The following ZER1 variants were observed in gnomAD, a reference collection of about 807,000 sequenced individuals.
ZER1 encodes the protein zyg-11 related cell cycle regulator, also known as protein zer-1 homolog.
A neutral mutation model predicts 78.8 loss-of-function variants in ZER1; 11 were observed. The ratio of observed to expected loss-of-function variants is 0.14; its 90% CI spans 0.09 to 0.23. The LOEUF (loss-of-function observed/expected upper bound fraction) is 0.23. Among genes scored for constraint, ZER1 ranks in the 10% least tolerant of loss-of-function variants. The pLI is 1.00. For missense variants in ZER1, 588 were observed against 996.9 expected (o/e 0.59, Z 5.52); for synonymous variants, 400 against 407.0 (o/e 0.98, Z 0.21).
rs781260934 is a variant in ZER1 at position 128,753,916 on chromosome 9, C to T, written c.202G>A (p.Glu68Lys). ...VNAACNFEPH[E>K]SFFSLFSDPR... ...TCCGAAAAGAGGCTGAAGAAGCTCT[C>T]GTGTGGCTCGAAGTTACAGGCAGCG... The change falls in exon 3 of 16, where the codon GAG (glutamate) becomes AAG (lysine). Residue 68 changes from glutamate (E) to lysine (K), a missense_variant. By Grantham distance (56) the Glu-to-Lys change is moderately conservative. Around this residue, in one of 3 missense-constraint regions of ZER1, gnomAD observed 406 missense variants for 660.1 expected, o/e 0.62. Transcript: ENST00000291900. The surrounding 1 kb of genome is among the most constrained non-coding windows in gnomAD (Gnocchi z 7.5). 2.5e-6 allele frequency: 4 copies of T among 1,594,528 alleles called. No homozygotes were observed. Among genetic ancestry groups the T allele is most frequent in the South Asian group, 1.1e-5 (1 of 87,990 alleles).
At chr9:128,764,264 A>C (rs563650486) in intron 1 of ZER1, among the ~76,000 whole-genome samples, 1 of 152,302 alleles carries the variant, frequency 6.6e-6, no homozygotes, top group South Asian at 2.1e-4. Context: ...TCGCCATCAG[A>C]GGTCTGCACG....
Position 128,755,755 on chromosome 9 carries a change from A to C in ZER1, c.-94-96T>G. ...CTCTGAGTAGGGAAACTGAGACCAC[A>C]CTCCAATTAGCAGCTTAGCAGGGCC... On this transcript the variant is annotated intron_variant, in intron 1 of 15. Coordinates refer to ENST00000291900, the MANE Select transcript of ZER1 (RefSeq NM_006336.4). The surrounding 1 kb of genome is among the most constrained non-coding windows in gnomAD (Gnocchi z 5.6). The C allele has an allele frequency of 1.4e-6, 1 of 709,308 alleles. No individual in the cohort carries two copies. Among genetic ancestry groups the C allele is most frequent in the Non-Finnish European group, 2.2e-6 (1 of 447,952 alleles). The allele number at this position is 709,308 out of a possible 1,614,324, so 43.9% of individuals were successfully genotyped here.
In ZER1 at chr9:128,755,382, C is replaced by A; in HGVS notation, c.158+26G>T. ...TACACATTCATGGTAAGACCCCTGCCCCTCCTCAGCCCTGGGTCTGCTCAC... is the reference window on the plus strand; with the variant it reads ...TACACATTCATGGTAAGACCCCTGCACCTCCTCAGCCCTGGGTCTGCTCAC... On this transcript the variant is annotated intron_variant, in intron 2 of 15. Coordinates refer to ENST00000291900, the MANE Select transcript of ZER1 (RefSeq NM_006336.4). The surrounding 1 kb of genome is among the most constrained non-coding windows in gnomAD (Gnocchi z 5.6). 2 of 1,612,730 alleles carry A rather than the reference C, an allele frequency of 1.2e-6. No individual in the cohort carries two copies. Among genetic ancestry groups the A allele is most frequent in the Non-Finnish European group, 1.7e-6 (2 of 1,178,860 alleles).
Position 128,753,609 on chromosome 9 carries a change from G to A in ZER1, c.310-9C>T, listed in dbSNP as rs1403217570. 6.2e-7 allele frequency: 1 copy of A among 1,611,440 alleles called. No individual in the cohort carries two copies. The highest frequency in any genetic ancestry group is 1.3e-5 in the African/African-American group (1 of 75,010). ...TACAGCTCCACCAGGTCCTGGGAGTGGGCACAGCTCCATCATCATCACCAC... is the reference window on the plus strand; with the variant it reads ...TACAGCTCCACCAGGTCCTGGGAGTAGGCACAGCTCCATCATCATCACCAC... On this transcript the variant is annotated splice_polypyrimidine_tract_variant and intron_variant, in intron 3 of 15. Coordinates refer to ENST00000291900, the MANE Select transcript of ZER1 (RefSeq NM_006336.4). The surrounding 1 kb of genome is among the most constrained non-coding windows in gnomAD (Gnocchi z 7.5).
Position 128,750,778 on chromosome 9 carries a change from C to A in ZER1, c.1197G>T (p.Thr399=). Residue 399 remains threonine, a synonymous_variant, in exon 8 of 16, where the codon ACG becomes ACT. Transcript: ENST00000291900. The part of the protein sequence containing the change: ...QLLRALKLVI[T]ALKCHKYDRN... ...TGTCATATTTGTGGCACTTGAGGGCCGTGATGACCAGCTGTATGAAGACAA... is the reference window on the plus strand; with the variant it reads ...TGTCATATTTGTGGCACTTGAGGGCAGTGATGACCAGCTGTATGAAGACAA... The A allele has an allele frequency of 6.2e-7, 1 of 1,614,160 alleles. No homozygotes were observed. The highest frequency in any genetic ancestry group is 1.1e-5 in the South Asian group (1 of 91,066).
At position 128,753,278 on chromosome 9, in the gene ZER1, G is replaced by T; in HGVS notation, c.632C>A (p.Thr211Lys). 1 of 1,608,236 alleles carries T rather than the reference G, an allele frequency of 6.2e-7. No individual in the cohort carries two copies. The highest frequency in any genetic ancestry group is 8.5e-7 in the Non-Finnish European group (1 of 1,177,316). ...LAALDLSGIQ[T>K]SDAAFLTQWK... ...CTGGGTGAGGAAGGCGGCGTCGCTC[G>T]TCTGAATGCCTGAGAGGTCCAAGGC... The change falls in exon 4 of 16, where the codon ACG (threonine) becomes AAG (lysine). Residue 211 changes from threonine (T) to lysine (K), a missense_variant. Thr to Lys is a moderately conservative substitution (Grantham distance 78). This residue lies in a region of ZER1 where 406 missense variants were observed against 660.1 expected (regional missense o/e 0.62). Coordinates refer to ENST00000291900, the MANE Select transcript of ZER1 (RefSeq NM_006336.4). This position sits in a 1 kb window ranked among gnomAD's most constrained non-coding sequence, Gnocchi z 7.5.
Position 128,753,847 on chromosome 9 carries a change from G to C in ZER1, c.271C>G (p.Leu91Val). The part of the protein sequence containing the change: ...RLTRIHLRED[L>V]VQDQDLEAIR... ...GCCTCCAGGTCCTGGTCCTGCACCA[G>C]GTCCTCACGGAGGTGGATCCGCGTG... The change falls in exon 3 of 16, where the codon CTG (leucine) becomes GTG (valine). Residue 91 changes from leucine to valine, a missense_variant. By Grantham distance (32) the Leu-to-Val change is conservative. Around this residue, in one of 3 missense-constraint regions of ZER1, gnomAD observed 406 missense variants for 660.1 expected, o/e 0.62. Transcript: ENST00000291900. The surrounding 1 kb of genome is among the most constrained non-coding windows in gnomAD (Gnocchi z 7.5). 6.2e-7 allele frequency: 1 copy of C among 1,602,762 alleles called. No individual in the cohort carries two copies. Among genetic ancestry groups the C allele is most frequent in the Non-Finnish European group, 8.5e-7 (1 of 1,175,402 alleles).
chr9:128,740,285 A>C lies in ZER1; in HGVS notation c.1854-166T>G, dbSNP rs536949701. On this transcript the variant is annotated intron_variant, in intron 12 of 15. Coordinates refer to ENST00000291900, the MANE Select transcript of ZER1 (RefSeq NM_006336.4). The surrounding 1 kb of genome is among the most constrained non-coding windows in gnomAD (Gnocchi z 4.4). The stretch of plus-strand genomic sequence containing the variant: ...TTCTAAAGGGATTTGAGGTCATTTA[A>C]GATATAATTACAGGCTGGGCGCAGT... 3.3e-5 allele frequency among the ~76,000 whole-genome samples: 5 copies of C among 152,216 alleles called. No individual in the cohort carries two copies. Among genetic ancestry groups the C allele is most frequent in the East Asian group, 1.9e-4 (1 of 5,202 alleles).
intron 1 of ZER1, among the ~76,000 whole-genome samples, chr9:128,766,126 G>A (rs1005101451): frequency 1.4e-4 from 22 of 152,166 alleles, no homozygotes; most frequent in African/African-American, 4.8e-4. Context: ...CAAGGCGGGC[G>A]GATCACGAGG....
At chr9:128,746,987 G>A (rs191876716) in intron 8 of ZER1, among the ~76,000 whole-genome samples, 2 of 151,888 alleles carry the variant, frequency 1.3e-5, no homozygotes, top group East Asian at 3.9e-4. Flanking sequence ...CTTGAGGCTA[G>A]GAGGAGTTCC....
intron 1 of ZER1, among the ~76,000 whole-genome samples, chr9:128,759,559 G>A (rs1863975972): frequency 6.6e-6 from 1 of 151,990 alleles, no homozygotes; most frequent in South Asian, 2.1e-4. Flanking sequence ...ACTTTGGGAG[G>A]CCAAGGCAGG....
intron 14 of ZER1, among the ~76,000 whole-genome samples, chr9:128,734,847 T>G (rs1399183668): frequency 3.9e-5 from 4 of 102,222 alleles, no homozygotes; most frequent in Non-Finnish European, 6.2e-5. Flanking sequence ...ATGGTATGTG[T>G]TTTTTTTTTT....
intron 14 of ZER1, among the ~76,000 whole-genome samples, chr9:128,734,142 A>T (rs866421586): frequency 0.022 from 430 of 19,616 alleles, 107 homozygotes; most frequent in South Asian, 0.097. Context: ...AAAAAAAAAA[A>T]AAATATATAT....
chr9:128,770,364 A>C (rs1864345098), intron 1 of ZER1, among the ~76,000 whole-genome samples: 1 of 152,060 alleles, frequency 6.6e-6, no homozygotes, highest in Non-Finnish European at 1.5e-5. Context: ...TCCTGACCTC[A>C]GGTGATCCGG....
intron 8 of ZER1, among the ~76,000 whole-genome samples, chr9:128,745,199 GTTT>G (rs570009551): frequency 3.9e-5 from 5 of 128,486 alleles, no homozygotes; most frequent in East Asian, 2.1e-4. Context: ...ATTTGTTTGG[GTTT>G]TTTTTTTTTT....
chr9:128,741,143 T>G (rs1863277059), intron 11 of ZER1, among the ~76,000 whole-genome samples: 1 of 152,196 alleles, frequency 6.6e-6, no homozygotes, highest in African/African-American at 2.4e-5. Context: ...CGTGGTTCTG[T>G]TCACCAAAGC....
chr9:128,750,894 C>T, intron 7 of ZER1, 105 bp from the exon 8 acceptor site: 18 of 1,516,454 alleles, frequency 1.2e-5, no homozygotes, highest in Non-Finnish European at 1.5e-5. Context: ...CCTGGTCTTG[C>T]TCTCTAAAGG....
chr9:128,756,176 G>A (rs534380497), intron 1 of ZER1, among the ~76,000 whole-genome samples: 21 of 152,322 alleles, frequency 1.4e-4, no homozygotes, highest in East Asian at 7.7e-4. Flanking sequence ...GGCCGAGCAC[G>A]GTGGCTCATG....
Position 128,751,500 on chromosome 9 carries a change from T to C in ZER1, c.951A>G (p.Ile317Met). 1 of 1,613,842 alleles carries C rather than the reference T, an allele frequency of 6.2e-7. No homozygotes were observed. The highest frequency in any genetic ancestry group is 8.5e-7 in the Non-Finnish European group (1 of 1,180,004). Residue 317 changes from isoleucine (I) to methionine (M), a missense_variant, in exon 6 of 16, where the codon ATA (isoleucine) becomes ATG (methionine). This residue lies in a region of ZER1 where 406 missense variants were observed against 660.1 expected (regional missense o/e 0.62). Coordinates refer to ENST00000291900, the MANE Select transcript of ZER1 (RefSeq NM_006336.4). The surrounding 1 kb of genome is among the most constrained non-coding windows in gnomAD (Gnocchi z 5.4). ...GCGGCCTCTTCAGAGCCCGGAAAGG[T>C]ATGATGCTGCTCTTGGAAGGCTCAA... is the stretch of plus-strand genomic sequence containing the variant. ...TSIEPSKSSI[I>M]PFRALKRPLQ...
Sources: gnomAD v4.1 joint callset for allele counts (sites outside exome capture counted in the v4.1 genomes callset) on GRCh38, gnomAD v4.1.1 for gene constraint, gnomAD v4.1.1 regional missense constraint, Gnocchi (gnomAD v3.1) non-coding constraint, MANE v1.5 for transcripts, NCBI Gene and HGNC (gene_info 2026-07-23, HGNC 2026-07-21) for gene names.